Variants in NRXN3 observed in about 807,000 individuals in gnomAD.
NRXN3 encodes the protein neurexin 3.
Under a neutral mutation model 137.6 loss-of-function variants are expected in NRXN3, and 32 were observed. The observed-to-expected ratio is 0.23, with a 90% CI of 0.18 to 0.31. The LOEUF (loss-of-function observed/expected upper bound fraction) is 0.31, where lower values mean the gene tolerates loss of function less well. NRXN3 is among the 10% of genes least tolerant of loss of function. The pLI, the probability that NRXN3 is intolerant of heterozygous loss-of-function variation, is 1.00. For synonymous variants in NRXN3, 798 were observed against 784.5 expected (o/e 1.02, Z -0.29); for missense variants, 1,574 against 2,062.5 (o/e 0.76, Z 4.59).
At chr14:79,420,630 G>A (rs1390297484) in intron 15 of NRXN3, among the ~76,000 whole-genome samples, 2 of 152,088 alleles carry the variant, frequency 1.3e-5, no homozygotes, top group East Asian at 3.9e-4. Flanking sequence ...TGACATGTCT[G>A]TCATTTTATA....
chr14:79,858,258 C>T lies in NRXN3; in HGVS notation c.4094-3084C>T, dbSNP rs181719114. Among the ~76,000 whole-genome samples the T allele has an allele frequency of 3.3e-5, 5 of 150,552 alleles. No individual in the cohort carries two copies. In the East Asian group the frequency reaches 9.8e-4, roughly 30 times the overall value. On this transcript the variant is annotated intron_variant, in intron 20 of 20. Transcript: ENST00000335750. ...GAACAGTTTGTAGATTTTGAAACAA[C>T]AAGTACACTGTGGAAACTTTAGCTG...
At chr14:79,805,223 CTTTT>C in intron 20 of NRXN3, 33 bp downstream of exon 20, 1 of 1,568,624 alleles carries the variant, frequency 6.4e-7, no homozygotes, top group Non-Finnish European at 8.8e-7. Context: ...TGCTTGCTTT[CTTTT>C]TTCTTTTGCA....
At chr14:79,609,947 TG>T (rs2098078504) in intron 16 of NRXN3, among the ~76,000 whole-genome samples, 1 of 150,498 alleles carries the variant, frequency 6.6e-6, no homozygotes, top group Non-Finnish European at 1.5e-5. Context: ...GGGGCCTGTC[TG>T]GGGGTAGGAG....
chr14:78,471,688 A>G (rs1763640062), intron 4 of NRXN3, among the ~76,000 whole-genome samples: 1 of 152,208 alleles, frequency 6.6e-6, no homozygotes, highest in Admixed American at 6.5e-5. Flanking sequence ...GATATAGGTA[A>G]TGGTAATATC....
chr14:79,251,743 G>T (rs914882178), intron 15 of NRXN3, among the ~76,000 whole-genome samples: 1 of 152,062 alleles, frequency 6.6e-6, no homozygotes, highest in African/African-American at 2.4e-5. Flanking sequence ...TGGGATATTT[G>T]AAAATGAGAA....
At chr14:78,753,631 A>G (rs1355034154) in intron 8 of NRXN3, 2 of 152,180 alleles carry the variant, frequency 1.3e-5, no homozygotes, top group Non-Finnish European at 2.9e-5. Context: ...CATGTGATAC[A>G]TTTAGTCAGT....
In NRXN3 at chr14:79,359,358, A is replaced by G. The variant is rs2093603813; in HGVS notation, c.3263-107863A>G. Among the ~76,000 whole-genome samples the G allele has an allele frequency of 2.6e-5, 4 of 151,658 alleles. No homozygotes were observed. In the South Asian group the frequency reaches 6.3e-4, roughly 24 times the overall value. On this transcript the variant is annotated intron_variant, in intron 15 of 20. Transcript: ENST00000335750. ...GATTCCCTACAGAGTTATTTTCTGC[A>G]TAGTTTCCCTCTGGGTACAGAATGT...
At chr14:78,787,062 A>G (rs1453747832) in intron 8 of NRXN3, among the ~76,000 whole-genome samples, 2 of 152,116 alleles carry the variant, frequency 1.3e-5, no homozygotes, top group Non-Finnish European at 2.9e-5. Context: ...AGTTTATCAG[A>G]CTTCTTAAAT....
chr14:79,113,177 G>T (rs2053836631), intron 15 of NRXN3, among the ~76,000 whole-genome samples: 2 of 152,228 alleles, frequency 1.3e-5, no homozygotes, highest in South Asian at 4.1e-4. Context: ...TCCAGACATT[G>T]CCAAATGTCC....
intron 15 of NRXN3, among the ~76,000 whole-genome samples, chr14:79,199,511 C>G (rs2065640461): frequency 2.0e-5 from 3 of 152,250 alleles, no homozygotes; most frequent in African/African-American, 7.2e-5. Context: ...ATAAAGATTA[C>G]CAGAGTTCAC....
intron 10 of NRXN3, among the ~76,000 whole-genome samples, chr14:78,830,196 G>A (rs2098977874): frequency 6.6e-6 from 1 of 152,082 alleles, no homozygotes; most frequent in Admixed American, 6.6e-5. Flanking sequence ...ATATAAGGCT[G>A]ACATTATCAT....
At chr14:79,393,771 C>A (rs2094931236) in intron 15 of NRXN3, among the ~76,000 whole-genome samples, 1 of 152,096 alleles carries the variant, frequency 6.6e-6, no homozygotes, top group Non-Finnish European at 1.5e-5. Flanking sequence ...GCCCAGATTG[C>A]TGCCACTGCA....
intron 15 of NRXN3, among the ~76,000 whole-genome samples, chr14:79,085,802 A>G (rs780051997): frequency 2.0e-5 from 3 of 152,206 alleles, no homozygotes; most frequent in Non-Finnish European, 4.4e-5. Flanking sequence ...AAAGATTCAT[A>G]TTGGAGTTTT....
intron 4 of NRXN3, among the ~76,000 whole-genome samples, chr14:78,585,610 T>C (rs2097054623): frequency 6.6e-6 from 1 of 151,976 alleles, no homozygotes; most frequent in South Asian, 2.1e-4. Context: ...TCTGGGCATA[T>C]CTTGAAGCTA....
chr14:78,890,553 CA>C (rs1430582512), intron 10 of NRXN3, among the ~76,000 whole-genome samples: 1 of 151,682 alleles, frequency 6.6e-6, no homozygotes, highest in Non-Finnish European at 1.5e-5. Flanking sequence ...CACTGGGCTA[CA>C]ACATCACTAA....
chr14:78,480,979 G>A (rs188851758), intron 4 of NRXN3, among the ~76,000 whole-genome samples: 1 of 151,874 alleles, frequency 6.6e-6, no homozygotes, highest in East Asian at 1.9e-4. Context: ...ACCTCTTTCT[G>A]TGGCCATTTC....
chr14:79,345,763 C>T (rs918644616), intron 15 of NRXN3, among the ~76,000 whole-genome samples: 5 of 152,142 alleles, frequency 3.3e-5, no homozygotes, highest in Non-Finnish European at 5.9e-5. Flanking sequence ...TATGATACCC[C>T]CCTTTACCTT....
intron 4 of NRXN3, among the ~76,000 whole-genome samples, chr14:78,558,131 G>C (rs1166657543): frequency 6.6e-6 from 1 of 152,162 alleles, no homozygotes; most frequent in Non-Finnish European, 1.5e-5. Flanking sequence ...TACTATGTAA[G>C]AAAGACTGGC....
At chr14:78,540,015 C>G (rs959823513) in intron 4 of NRXN3, among the ~76,000 whole-genome samples, 9 of 152,142 alleles carry the variant, frequency 5.9e-5, no homozygotes, top group African/African-American at 2.2e-4. Flanking sequence ...CTGAGGAGTG[C>G]TTTACTCCCA....
Sources: allele counts gnomAD v4.1 joint callset (sites outside exome capture counted in the v4.1 genomes callset), GRCh38; gene constraint gnomAD v4.1.1; transcripts MANE v1.5; gene names NCBI Gene and HGNC (gene_info 2026-07-23, HGNC 2026-07-21).